SHANK2: variants seen among roughly 807,000 people sequenced by gnomAD.
The protein encoded by SHANK2 is SH3 and multiple ankyrin repeat domains protein 2.
In SHANK2, 43 loss-of-function variants were observed where a neutral mutation model predicts 133.7. That is an observed-to-expected ratio of 0.32 (90% confidence interval 0.25 to 0.41). The LOEUF (loss-of-function observed/expected upper bound fraction) is 0.41. SHANK2 is among the 10% of genes least tolerant of loss of function. SHANK2 has a pLI of 1.00. For missense variants in SHANK2, 1,994 were observed against 2,235.8 expected, an observed-to-expected ratio of 0.89 and a Z score of 2.18; for synonymous variants, 1,017 against 952.8, an observed-to-expected ratio of 1.07 and a Z score of -1.24.
At chr11:71,086,093 A>ATAT (rs1951403561) in intron 8 of SHANK2, among the ~76,000 whole-genome samples, 17 of 9,558 alleles carry the variant, frequency 1.8e-3, no homozygotes, top group Admixed American at 5.8e-3. Flanking sequence ...ATAATATATT[A>ATAT]AATTATATAA....
In SHANK2 at chr11:70,471,443, G is replaced by A. The variant is rs2058597224; in HGVS notation, c.*1426C>T. On this transcript the variant is annotated 3_prime_UTR_variant, in exon 26 of 26. Transcript: ENST00000601538. The surrounding 1 kb of genome is among the most constrained non-coding windows in gnomAD (Gnocchi z 4.1). ...TGGTGACCTCTTTTGGAAATTCGAG[G>A]TATTGTTATGGGGTGGAGGGACTCC... 7.5e-6 allele frequency: 3 copies of A among 398,702 alleles called. No individual in the cohort carries two copies. The Admixed American group carries it at 1.3e-4, about 18-fold the overall frequency. 24.7% of individuals were successfully genotyped at this position (398,702 alleles called of 1,614,324 possible).
intron 14 of SHANK2, among the ~76,000 whole-genome samples, chr11:70,788,252 C>G (rs1259851817): frequency 6.6e-6 from 1 of 152,158 alleles, no homozygotes; most frequent in African/African-American, 2.4e-5. Flanking sequence ...TGGCCACAGA[C>G]AAGAAATCTC....
At chr11:70,585,448 C>T (rs1470080453) in intron 17 of SHANK2, among the ~76,000 whole-genome samples, 2 of 152,230 alleles carry the variant, frequency 1.3e-5, no homozygotes, top group Admixed American at 6.5e-5. Context: ...CCAGGCCACA[C>T]TGCCCTGCAA....
intron 14 of SHANK2, among the ~76,000 whole-genome samples, chr11:70,790,350 T>C (rs1326560988): frequency 2.0e-5 from 3 of 152,126 alleles, no homozygotes; most frequent in Non-Finnish European, 2.9e-5. Flanking sequence ...AGGGTCAGCT[T>C]TATGGGCCAA....
intron 17 of SHANK2, among the ~76,000 whole-genome samples, chr11:70,565,320 C>A (rs782007000): frequency 6.6e-6 from 1 of 152,190 alleles, no homozygotes; most frequent in Non-Finnish European, 1.5e-5. Flanking sequence ...TCTCGGCTCA[C>A]CGCAACCTCC....
intron 10 of SHANK2, among the ~76,000 whole-genome samples, chr11:70,917,707 G>T (rs1950288722): frequency 6.6e-6 from 1 of 152,140 alleles, no homozygotes. Flanking sequence ...CTTTGCAGGG[G>T]CATGGATGAA....
At chr11:71,056,391 T>C (rs891536895) in intron 10 of SHANK2, 90 bp downstream of exon 10, 1 of 152,212 alleles carries the variant, frequency 6.6e-6, no homozygotes, top group Non-Finnish European at 1.5e-5. Flanking sequence ...GCCGACCTCA[T>C]GTCACACATA....
At chr11:70,731,908 G>A (rs895004113) in intron 14 of SHANK2, among the ~76,000 whole-genome samples, 1 of 152,116 alleles carries the variant, frequency 6.6e-6, no homozygotes, top group African/African-American at 2.4e-5. Context: ...GTGCTCTGCC[G>A]GGCTGGGGTG....
intron 3 of SHANK2, among the ~76,000 whole-genome samples, chr11:71,133,715 C>T (rs1210805080): frequency 6.6e-6 from 1 of 152,040 alleles, no homozygotes; most frequent in Non-Finnish European, 1.5e-5. Context: ...TGAATAAAGA[C>T]CATTATCATG....
chr11:70,661,512 C>T, intron 16 of SHANK2, 84 bp downstream of exon 16: 3 of 188,546 alleles, frequency 1.6e-5, no homozygotes, highest in Non-Finnish European at 2.4e-5. Context: ...CACACACACA[C>T]ACACACACAC....
chr11:70,748,669 C>A (rs1946692423), intron 14 of SHANK2, among the ~76,000 whole-genome samples: 1 of 152,182 alleles, frequency 6.6e-6, no homozygotes, highest in South Asian at 2.1e-4. Flanking sequence ...TACCCACCCC[C>A]AATATAATTC....
chr11:71,141,501 C>G (rs1952553075), intron 3 of SHANK2, among the ~76,000 whole-genome samples: 1 of 152,122 alleles, frequency 6.6e-6, no homozygotes, highest in African/African-American at 2.4e-5. Flanking sequence ...GAGCGAGACT[C>G]TTTCTCAAAC....
intron 2 of SHANK2, among the ~76,000 whole-genome samples, chr11:71,219,022 A>G (rs1308215786): frequency 6.6e-6 from 1 of 152,204 alleles, no homozygotes; most frequent in East Asian, 1.9e-4. Flanking sequence ...AACGGAGCTT[A>G]CCCAAGGCTC....
In SHANK2 at chr11:71,086,236, ATAATATATTATG is replaced by A. The variant is rs1951411437; in HGVS notation, c.912+6174_912+6185del. Among the ~76,000 whole-genome samples, 91 of 51,340 alleles carry A rather than the reference ATAATATATTATG, an allele frequency of 1.8e-3. 8 individuals are homozygous for A. Among genetic ancestry groups the A allele is most frequent in the African/African-American group, 2.7e-3 (38 of 13,948 alleles). 33.7% of individuals were successfully genotyped at this position (51,340 alleles called of 152,430 possible). A position where few individuals can be genotyped will look rare whatever the true frequency, so the allele number is the denominator to read the frequency against. ...TATGTTATATAATATATTAAATTAT[ATAATATATTATG>A]TTATATATGTTATATATTATATATG... On this transcript the variant is annotated intron_variant, in intron 8 of 25. Transcript: ENST00000601538.
At chr11:71,118,542 G>A (rs528913048) in intron 4 of SHANK2, among the ~76,000 whole-genome samples, 1 of 151,988 alleles carries the variant, frequency 6.6e-6, no homozygotes, top group Admixed American at 6.5e-5. Context: ...TTACTATCAT[G>A]AGAACAGCAT....
chr11:70,756,813 C>T (rs565649389), intron 14 of SHANK2, among the ~76,000 whole-genome samples: 11 of 152,326 alleles, frequency 7.2e-5, no homozygotes, highest in African/African-American at 1.4e-4. Context: ...TTTCTGGGAA[C>T]GTGTCCTCTA....
intron 10 of SHANK2, among the ~76,000 whole-genome samples, chr11:70,911,476 T>C (rs1315811768): frequency 6.6e-6 from 1 of 152,246 alleles, no homozygotes; most frequent in Non-Finnish European, 1.5e-5. Context: ...CTTGGCACTG[T>C]CCATCTTCTT....
At chr11:71,082,435 A>G (rs1951313203) in intron 8 of SHANK2, among the ~76,000 whole-genome samples, 1 of 152,220 alleles carries the variant, frequency 6.6e-6, no homozygotes, top group Admixed American at 6.5e-5. Context: ...AGTACACTAG[A>G]AAAACCTCAA....
chr11:70,815,731 C>T (rs918786723), intron 12 of SHANK2, among the ~76,000 whole-genome samples: 70 of 152,216 alleles, frequency 4.6e-4, no homozygotes, highest in African/African-American at 1.6e-3. Flanking sequence ...CGGTGGGGGC[C>T]CTGGGGAGGC....
Sources: gnomAD v4.1 joint callset for allele counts (sites outside exome capture counted in the v4.1 genomes callset) on GRCh38, gnomAD v4.1.1 for gene constraint, Gnocchi (gnomAD v3.1) non-coding constraint, MANE v1.5 for transcripts, NCBI Gene and HGNC (gene_info 2026-07-23, HGNC 2026-07-21) for gene names.